MORN1: variants seen among roughly 807,000 people sequenced by gnomAD.
The protein encoded by MORN1 is MORN repeat containing 1, also known as MORN repeat-containing protein 1.
MORN1 carries 67 observed loss-of-function variants against 61.9 expected under a neutral mutation model. That is an observed-to-expected ratio of 1.08 (90% CI 0.89 to 1.33). MORN1 has a LOEUF of 1.33. Among genes scored for constraint, MORN1 ranks in the 40% most tolerant of loss-of-function variants. The probability of loss-of-function intolerance (pLI) is 0.00; values close to 1 mark genes in which losing one functional copy is unlikely to be tolerated. For missense variants in MORN1, 752 were observed against 691.2 expected (o/e 1.09, Z -0.99); for synonymous variants, 301 against 292.0 (o/e 1.03, Z -0.31).
At chr1:2,330,385 G>A (rs528668636) in intron 12 of MORN1, among the ~76,000 whole-genome samples, 22 of 152,342 alleles carry the variant, frequency 1.4e-4, no homozygotes, top group African/African-American at 4.8e-4. Context: ...TGTGGCAGAC[G>A]AGGGAGGAAC....
intron 10 of MORN1, among the ~76,000 whole-genome samples, chr1:2,345,607 C>T (rs1641495538): frequency 1.3e-5 from 2 of 152,218 alleles, no homozygotes; most frequent in South Asian, 2.1e-4. Context: ...TGACCAGAGA[C>T]GGAGACGAAG....
chr1:2,362,417 GT>G (rs1006096677), intron 8 of MORN1, among the ~76,000 whole-genome samples: 6 of 152,116 alleles, frequency 3.9e-5, no homozygotes, highest in Admixed American at 2.0e-4. Context: ...GTTCAAACCT[GT>G]TTTTGTTCAA....
rs115351940 is a variant in MORN1, at chr1:2,354,664, G to A, written c.1036+2768C>T. Among the ~76,000 whole-genome samples the A allele has an allele frequency of 5.6e-3, 854 of 152,276 alleles. 8 individuals are homozygous for A. The highest frequency in any genetic ancestry group is 0.02 in the African/African-American group (823 of 41,564). ...AGGCCACGCTCCTCTCCTCCGGGGC[G>A]CCCCCTGCACAGGCCTGGGTGGAGG... On this transcript the variant is annotated intron_variant, in intron 10 of 13. Coordinates refer to ENST00000378531, the MANE Select transcript of MORN1 (RefSeq NM_024848.3).
At chr1:2,370,527 G>A (rs1271966753) in intron 8 of MORN1, among the ~76,000 whole-genome samples, 1 of 152,122 alleles carries the variant, frequency 6.6e-6, no homozygotes, top group African/African-American at 2.4e-5. Context: ...CTGTTCCAAA[G>A]ATAGCATTAG....
chr1:2,358,616 T>C lies in MORN1; in HGVS notation c.845A>G (p.Gln282Arg). 6.2e-7 allele frequency: 1 copy of C among 1,614,054 alleles called. No homozygotes were observed. The highest frequency in any genetic ancestry group is 1.1e-5 in the South Asian group (1 of 91,086). Residue 282 changes from glutamine to arginine, a missense_variant, in exon 9 of 14, where the codon CAA (glutamine) becomes CGA (arginine). Transcript: ENST00000378531. The part of the protein sequence containing the change: ...VNFFKVDRDN[Q>R]ETLIQTPFGF... The stretch of plus-strand genomic sequence containing the variant: ...CAATGGGGTCTGGATGAGTGTCTCT[T>C]GGTTGTCTCTGTCCACTTTGAAAAA...
chr1:2,346,569 A>G (rs1324851277), intron 10 of MORN1, among the ~76,000 whole-genome samples: 1 of 152,034 alleles, frequency 6.6e-6, no homozygotes, highest in East Asian at 1.9e-4. Flanking sequence ...TATTTTTAGT[A>G]GGGATGGGGT....
chr1:2,343,232 G>A (rs1263839682), intron 10 of MORN1, among the ~76,000 whole-genome samples: 1 of 152,206 alleles, frequency 6.6e-6, no homozygotes, highest in Non-Finnish European at 1.5e-5. Context: ...CTGCCTCTGG[G>A]ACCTGCGGGC....
intron 8 of MORN1, among the ~76,000 whole-genome samples, chr1:2,369,514 C>T (rs1642071125): frequency 6.6e-6 from 1 of 151,892 alleles, no homozygotes; most frequent in South Asian, 2.1e-4. Context: ...TATTTATAAA[C>T]AATATGATCG....
chr1:2,325,154 T>A (rs1640989509), intron 12 of MORN1, among the ~76,000 whole-genome samples: 1 of 130,880 alleles, frequency 7.6e-6, no homozygotes, highest in Non-Finnish European at 1.6e-5. Context: ...CTCCCTTCCT[T>A]CCCTCCCTTC....
chr1:2,348,143 G>C (rs766489566), intron 10 of MORN1, among the ~76,000 whole-genome samples: 4 of 152,188 alleles, frequency 2.6e-5, no homozygotes, highest in Admixed American at 1.3e-4. Flanking sequence ...GAACATTCCC[G>C]GGCCTTTCCC....
intron 13 of MORN1, chr1:2,323,750 C>G (rs192167383): frequency 2.0e-6 from 2 of 985,282 alleles, no homozygotes; most frequent in Non-Finnish European, 1.2e-6. Context: ...GGTTCAGCCA[C>G]TGTGGGCCTT....
chr1:2,385,049 C>A lies in MORN1; in HGVS notation c.466G>T (p.Asp156Tyr). 1 of 1,596,230 alleles carries A rather than the reference C, an allele frequency of 6.3e-7. No individual in the cohort carries two copies. The highest frequency in any genetic ancestry group is 8.5e-7 in the Non-Finnish European group (1 of 1,172,832). Reference sequence around the variant, plus strand: ...CGCCGGTCCCGGACCCAGTCGCCGTCGTACTTGTCACCGTTCCTGGGGGAC... The same window carrying A: ...CGCCGGTCCCGGACCCAGTCGCCGTAGTACTTGTCACCGTTCCTGGGGGAC... ...QMLFQNGDKY[D>Y]GDWVRDRRQG... The change falls in exon 6 of 14, where the codon GAC becomes TAC. Residue 156 changes from aspartate (D) to tyrosine (Y), a missense_variant. By Grantham distance (160) the Asp-to-Tyr change is radical (BLOSUM62 -3). Transcript: ENST00000378531.
At chr1:2,359,953 G>A (rs1641858320) in intron 8 of MORN1, among the ~76,000 whole-genome samples, 1 of 152,134 alleles carries the variant, frequency 6.6e-6, no homozygotes, top group Non-Finnish European at 1.5e-5. Flanking sequence ...TGGATGCCGA[G>A]CTTTGGGACG....
At chr1:2,376,675 C>G (rs1642245239) in intron 6 of MORN1, 1 of 152,142 alleles carries the variant, frequency 6.6e-6, no homozygotes, top group Non-Finnish European at 1.5e-5. Flanking sequence ...ATCCCCCTCC[C>G]TGGGTGCGCA....
At chr1:2,342,892 T>TTTTATTTTATTTTATTTTA (rs1557873850) in intron 10 of MORN1, among the ~76,000 whole-genome samples, 30 of 139,648 alleles carry the variant, frequency 2.1e-4, no homozygotes, top group African/African-American at 7.2e-4. Flanking sequence ...TTTTATTTTA[T>TTTTATTTTATTTTATTTTA]TTTATTTTAT....
chr1:2,353,923 G>A (rs1031443931), intron 10 of MORN1, among the ~76,000 whole-genome samples: 1 of 152,258 alleles, frequency 6.6e-6, no homozygotes, highest in African/African-American at 2.4e-5. Context: ...ATGGATCATG[G>A]TTGGGAAGCA....
At chr1:2,379,743 C>G (rs963984614) in intron 6 of MORN1, among the ~76,000 whole-genome samples, 1 of 152,166 alleles carries the variant, frequency 6.6e-6, no homozygotes, top group East Asian at 1.9e-4. Flanking sequence ...CAGAAAATAA[C>G]CAGTGTTGGT....
chr1:2,372,921 C>T lies in MORN1; in HGVS notation c.635-330G>A, dbSNP rs1020512936. ...TTCCTGCCCGTGGAATGTTCCCGCA[C>T]GTCTTCCCGCTGGTCGGGATTTAGG... On this transcript the variant is annotated intron_variant, in intron 7 of 13. Transcript: ENST00000378531. The surrounding 1 kb of genome is among the most constrained non-coding windows in gnomAD (Gnocchi z 5.4). Among the ~76,000 whole-genome samples the T allele has an allele frequency of 2.0e-5, 3 of 152,388 alleles. No individual in the cohort carries two copies. The highest frequency in any genetic ancestry group is 1.9e-4 in the East Asian group (1 of 5,190).
rs569061214 is a variant in MORN1 at position 2,337,675 on chromosome 1, G to A, written c.1037-825C>T. Among the ~76,000 whole-genome samples the A allele has an allele frequency of 2.0e-5, 3 of 152,312 alleles. No homozygotes were observed. Among genetic ancestry groups the A allele is most frequent in the Admixed American group, 6.5e-5 (1 of 15,302 alleles). On this transcript the variant is annotated intron_variant, in intron 10 of 13. Transcript: ENST00000378531. The surrounding 1 kb of genome is among the most constrained non-coding windows in gnomAD (Gnocchi z 5.7). ...CACACATCAGAGCCCACGTTCCTAC[G>A]AGCAGCTCGGAGCTGTCCTGACACC... is the stretch of plus-strand genomic sequence containing the variant.
Sources: gnomAD v4.1 joint callset for allele counts (sites outside exome capture counted in the v4.1 genomes callset) on GRCh38, gnomAD v4.1.1 for gene constraint, Gnocchi (gnomAD v3.1) non-coding constraint, MANE v1.5 for transcripts, NCBI Gene and HGNC (gene_info 2026-07-23, HGNC 2026-07-21) for gene names.